ATF7IP2: variants seen among roughly 807,000 people sequenced by gnomAD.
The protein encoded by ATF7IP2 is activating transcription factor 7-interacting protein 2.
A neutral mutation model predicts 64.2 loss-of-function variants in ATF7IP2; 42 were observed. The ratio of observed to expected loss-of-function variants is 0.65; its 90% CI spans 0.51 to 0.85. The LOEUF is 0.85. Ranked by LOEUF, ATF7IP2 falls within the 40% of genes least tolerant of loss-of-function variation. The pLI is 0.00. For missense variants in ATF7IP2, 933 were observed against 784.2 expected, an observed-to-expected ratio of 1.19 and a Z score of -2.27; for synonymous variants, 308 against 272.8, an observed-to-expected ratio of 1.13 and a Z score of -1.27.
intron 5 of ATF7IP2, 33 bp downstream of exon 5, chr16:10,431,488 T>A (rs1275260752): frequency 7.2e-7 from 1 of 1,393,578 alleles, no homozygotes; most frequent in Non-Finnish European, 9.8e-7. Flanking sequence ...TTTAGAAAAA[T>A]TAAAATAGTC....
At chr16:10,412,740 G>A (rs934910206) in intron 1 of ATF7IP2, among the ~76,000 whole-genome samples, 3 of 152,128 alleles carry the variant, frequency 2.0e-5, no homozygotes, top group African/African-American at 7.2e-5. Flanking sequence ...TTGACTTTCT[G>A]TCTTAATGAC....
chr16:10,402,907 CA>C (rs34917688), intron 1 of ATF7IP2, among the ~76,000 whole-genome samples: 85,346 of 146,124 alleles, frequency 0.58, 24,515 homozygotes, highest in East Asian at 0.67. Context: ...GACCCTTTCT[CA>C]AAAAAAAAAA....
At chr16:10,444,758 A>G (rs1028662879) in intron 8 of ATF7IP2, among the ~76,000 whole-genome samples, 6 of 152,212 alleles carry the variant, frequency 3.9e-5, no homozygotes, top group South Asian at 2.1e-4. Flanking sequence ...GATATTCCCA[A>G]TTTATTCCTA....
intron 1 of ATF7IP2, among the ~76,000 whole-genome samples, chr16:10,389,082 G>T (rs1305616278): frequency 2.0e-5 from 3 of 152,034 alleles, no homozygotes; most frequent in Admixed American, 6.6e-5. Context: ...TTTTTTTGAG[G>T]AGGTGATCTT....
At chr16:10,421,962 C>T (rs932098208) in intron 3 of ATF7IP2, among the ~76,000 whole-genome samples, 6 of 152,178 alleles carry the variant, frequency 3.9e-5, no homozygotes, top group African/African-American at 1.4e-4. Flanking sequence ...CTATTAAAGG[C>T]CAATTTTTCA....
At chr16:10,475,616 C>T (rs1450527516) in intron 12 of ATF7IP2, among the ~76,000 whole-genome samples, 1 of 149,882 alleles carries the variant, frequency 6.7e-6, no homozygotes. Context: ...TGGCGCGAAC[C>T]CGGGAAGTGG....
At chr16:10,404,542 C>T (rs2047596923) in intron 1 of ATF7IP2, among the ~76,000 whole-genome samples, 1 of 152,080 alleles carries the variant, frequency 6.6e-6, no homozygotes, top group Non-Finnish European at 1.5e-5. Context: ...CCACTCTGCC[C>T]AGCCTTTTTT....
intron 1 of ATF7IP2, among the ~76,000 whole-genome samples, chr16:10,410,311 AGTTTTGTTTTGTTTTGTTTTGTTTT>A (rs71133350): frequency 0.052 from 7,755 of 150,238 alleles, 582 homozygotes; most frequent in African/African-American, 0.15. Context: ...TATATTCCTA[AGTTTTGTTTTGTTTTGTTTTGTTTT>A]GTTTTGTTTT....
chr16:10,469,004 A>G (rs977650388), intron 9 of ATF7IP2, among the ~76,000 whole-genome samples: 28 of 152,324 alleles, frequency 1.8e-4, no homozygotes, highest in African/African-American at 6.5e-4. Context: ...GGCTAATCCT[A>G]AGTAATTTAA....
intron 1 of ATF7IP2, among the ~76,000 whole-genome samples, chr16:10,404,836 C>T (rs1439118779): frequency 2.0e-5 from 3 of 151,966 alleles, no homozygotes; most frequent in Non-Finnish European, 4.4e-5. Context: ...AACCAGTGGG[C>T]CCAACCAGAA....
At position 10,438,021 on chromosome 16, in the gene ATF7IP2, G is replaced by A. The variant is rs2048479707; in HGVS notation, c.961-80G>A. The A allele has an allele frequency of 3.5e-6, 4 of 1,132,628 alleles. No individual in the cohort carries two copies. The South Asian group carries it at 7.6e-5, about 22-fold the overall frequency. 70.2% of individuals were successfully genotyped at this position (1,132,628 alleles called of 1,614,324 possible). A position where few individuals can be genotyped will look rare whatever the true frequency, so the allele number is the denominator to read the frequency against. On this transcript the variant is annotated intron_variant, in intron 6 of 13. Coordinates refer to ENST00000562102, the MANE Select transcript of ATF7IP2 (RefSeq NM_001393719.1). ...TTGGTTACAGTAAATCTGGAAAAGA[G>A]CAAGGCTTTTTAAGTAGAAAGTAAA...
At chr16:10,391,232 G>A (rs2047315979) in intron 1 of ATF7IP2, among the ~76,000 whole-genome samples, 1 of 151,402 alleles carries the variant, frequency 6.6e-6, no homozygotes, top group South Asian at 2.1e-4. Context: ...GAGGTGGGTG[G>A]ATTGCTGGAG....
intron 1 of ATF7IP2, among the ~76,000 whole-genome samples, chr16:10,398,973 C>T (rs1454869370): frequency 6.6e-6 from 1 of 152,002 alleles, no homozygotes; most frequent in African/African-American, 2.4e-5. Flanking sequence ...ATTAGCTGGG[C>T]GTGGTGGTGC....
intron 1 of ATF7IP2, among the ~76,000 whole-genome samples, chr16:10,412,010 GTTTTTTTTTT>G (rs71133351): frequency 1.7e-5 from 1 of 58,398 alleles, no homozygotes; most frequent in Non-Finnish European, 3.3e-5. Flanking sequence ...ATCTTTTTTT[GTTTTTTTTTT>G]TTTTTTTTTT....
intron 1 of ATF7IP2, among the ~76,000 whole-genome samples, chr16:10,402,228 T>G (rs942462666): frequency 2.0e-5 from 3 of 152,192 alleles, no homozygotes; most frequent in Non-Finnish European, 2.9e-5. Flanking sequence ...GCCATAAACT[T>G]CTCTCTAAGC....
chr16:10,395,899 G>A (rs149386129), intron 1 of ATF7IP2, among the ~76,000 whole-genome samples: 197 of 152,034 alleles, frequency 1.3e-3, no homozygotes, highest in African/African-American at 4.6e-3. Context: ...ACATTGTACT[G>A]GAGGATCTAG....
chr16:10,398,076 G>A (rs1167893887), intron 1 of ATF7IP2, among the ~76,000 whole-genome samples: 5 of 151,838 alleles, frequency 3.3e-5, no homozygotes, highest in African/African-American at 2.4e-5. Flanking sequence ...AGGCTGAGGC[G>A]GGTGGATCAT....
At chr16:10,442,197 A>C (rs2141937679) in intron 8 of ATF7IP2, among the ~76,000 whole-genome samples, 1 of 152,306 alleles carries the variant, frequency 6.6e-6, no homozygotes, top group Middle Eastern at 3.4e-3. Context: ...TGGGTGTGTA[A>C]AAGGCAGGAA....
chr16:10,450,353 C>T (rs1460602159), intron 8 of ATF7IP2, among the ~76,000 whole-genome samples: 1 of 152,140 alleles, frequency 6.6e-6, no homozygotes, highest in African/African-American at 2.4e-5. Context: ...GAGTTGAGTT[C>T]TAGTCCTGAG....
Sources: gnomAD v4.1 joint callset for allele counts (sites outside exome capture counted in the v4.1 genomes callset) on GRCh38, gnomAD v4.1.1 for gene constraint, MANE v1.5 for transcripts, NCBI Gene and HGNC (gene_info 2026-07-23, HGNC 2026-07-21) for gene names.